Variants in SNX29 observed in about 807,000 individuals in gnomAD.
The protein encoded by SNX29 is sorting nexin 29.
Under a neutral mutation model 102.1 loss-of-function variants are expected in SNX29, and 78 were observed. That is an observed-to-expected ratio of 0.76 (90% confidence interval 0.64 to 0.92). SNX29 has a LOEUF of 0.92. Ranked by LOEUF, SNX29 falls within the 40% of genes least tolerant of loss-of-function variation. SNX29 has a pLI of 0.00. For synonymous variants in SNX29, 580 were observed against 414.5 expected (o/e 1.40, Z -4.85); for missense variants, 1,280 against 1,061.7 (o/e 1.21, Z -2.86).
At chr16:12,316,479 G>T (rs532304995) in intron 15 of SNX29, among the ~76,000 whole-genome samples, 7 of 152,170 alleles carry the variant, frequency 4.6e-5, no homozygotes, top group African/African-American at 1.7e-4. Flanking sequence ...GGAGGCGGAG[G>T]TTGCAGTGAG....
At chr16:12,177,686 A>G (rs2076291322) in intron 13 of SNX29, among the ~76,000 whole-genome samples, 1 of 152,182 alleles carries the variant, frequency 6.6e-6, no homozygotes. Flanking sequence ...GTGGTTTTTT[A>G]TATATTAACA....
chr16:12,425,274 T>A (rs1034956920), intron 18 of SNX29, among the ~76,000 whole-genome samples: 8 of 152,166 alleles, frequency 5.3e-5, no homozygotes, highest in African/African-American at 1.9e-4. Context: ...ACCCCGCACA[T>A]GCTAAGAAAC....
intron 20 of SNX29, among the ~76,000 whole-genome samples, chr16:12,548,384 C>G (rs752791712): frequency 6.6e-6 from 1 of 152,214 alleles, no homozygotes; most frequent in Non-Finnish European, 1.5e-5. Flanking sequence ...AGTCCCACAC[C>G]TTCTAAGGTC....
Position 12,052,189 on chromosome 16 carries a change from G to T in SNX29, c.1091G>T (p.Arg364Met), listed in dbSNP as rs763476209. Residue 364 changes from arginine (R) to methionine (M), a missense_variant, in exon 8 of 21, where the codon AGG becomes ATG. Arg to Met is a moderately conservative substitution (Grantham distance 91, BLOSUM62 -1). Transcript: ENST00000566228. ...EDDVYGNSSG[R>M]KHRGHSESPE... The stretch of plus-strand genomic sequence containing the variant: ...GACGTGTATGGAAACTCATCAGGAA[G>T]GAAGCACAGGGGCCACTCGGAGTCG... 1 of 1,613,946 alleles carries T rather than the reference G, an allele frequency of 6.2e-7. No individual in the cohort carries two copies. Among genetic ancestry groups the T allele is most frequent in the Non-Finnish European group, 8.5e-7 (1 of 1,179,864 alleles).
At chr16:12,121,217 A>G (rs1463212400) in intron 11 of SNX29, among the ~76,000 whole-genome samples, 1 of 152,214 alleles carries the variant, frequency 6.6e-6, no homozygotes, top group Non-Finnish European at 1.5e-5. Context: ...CCTCTAGCCC[A>G]GGGGACAGTG....
intron 18 of SNX29, among the ~76,000 whole-genome samples, chr16:12,477,407 A>G (rs1187348336): frequency 6.6e-6 from 1 of 152,220 alleles, no homozygotes; most frequent in African/African-American, 2.4e-5. Context: ...TTAGTGCTGC[A>G]ATACACACAT....
intron 15 of SNX29, among the ~76,000 whole-genome samples, chr16:12,297,738 T>G (rs981336196): frequency 6.6e-6 from 1 of 152,166 alleles, no homozygotes; most frequent in African/African-American, 2.4e-5. Context: ...TGCACCTCAG[T>G]AAAGCTGGGG....
intron 16 of SNX29, among the ~76,000 whole-genome samples, chr16:12,369,350 G>A (rs896429819): frequency 9.9e-5 from 15 of 152,020 alleles, no homozygotes; most frequent in African/African-American, 3.4e-4. Flanking sequence ...TGGCCAGGCT[G>A]GTCTTGAACT....
intron 19 of SNX29, among the ~76,000 whole-genome samples, chr16:12,523,567 A>G (rs1324941725): frequency 1.3e-5 from 2 of 152,200 alleles, no homozygotes; most frequent in African/African-American, 4.8e-5. Context: ...GCCCAGGCCA[A>G]CGTGACAGTG....
At chr16:12,563,747 C>T (rs1016768690) in intron 20 of SNX29, among the ~76,000 whole-genome samples, 4 of 152,240 alleles carry the variant, frequency 2.6e-5, no homozygotes, top group Admixed American at 6.5e-5. Flanking sequence ...CTTTACCCAA[C>T]AGCCACAACT....
intron 4 of SNX29, among the ~76,000 whole-genome samples, chr16:12,037,221 A>G (rs1338202666): frequency 6.6e-6 from 1 of 152,138 alleles, no homozygotes; most frequent in Admixed American, 6.6e-5. Context: ...TCAGCCACAG[A>G]CCATATGGGA....
chr16:12,514,970 G>A (rs1171724781), intron 19 of SNX29, among the ~76,000 whole-genome samples: 1 of 152,136 alleles, frequency 6.6e-6, no homozygotes, highest in East Asian at 1.9e-4. Context: ...CCCCTCTCTC[G>A]ATGGGCTGCT....
At chr16:12,333,300 T>C (rs1007148918) in intron 15 of SNX29, among the ~76,000 whole-genome samples, 1 of 151,832 alleles carries the variant, frequency 6.6e-6, no homozygotes, top group Non-Finnish European at 1.5e-5. Context: ...AGAGATGGGA[T>C]TTCACCATAT....
chr16:12,353,934 G>C (rs2082061504), intron 15 of SNX29, among the ~76,000 whole-genome samples: 1 of 152,312 alleles, frequency 6.6e-6, no homozygotes, highest in Middle Eastern at 3.4e-3. Flanking sequence ...TTCTCTCTCT[G>C]TCCTATTTTC....
intron 16 of SNX29, among the ~76,000 whole-genome samples, chr16:12,358,517 T>C (rs1385216336): frequency 6.6e-6 from 1 of 152,198 alleles, no homozygotes; most frequent in Non-Finnish European, 1.5e-5. Flanking sequence ...TCTGACCTTC[T>C]CCTGCTCTCT....
At chr16:12,221,752 A>G (rs1256783326) in intron 14 of SNX29, among the ~76,000 whole-genome samples, 4 of 152,190 alleles carry the variant, frequency 2.6e-5, no homozygotes, top group Non-Finnish European at 5.9e-5. Flanking sequence ...TTGCTGGAAA[A>G]TTGTGGCGCC....
At chr16:12,287,045 C>G (rs1279463459) in intron 15 of SNX29, among the ~76,000 whole-genome samples, 1 of 152,182 alleles carries the variant, frequency 6.6e-6, no homozygotes, top group Non-Finnish European at 1.5e-5. Context: ...CTCACTCTTT[C>G]TCCTTCCCAG....
chr16:12,193,371 A>G (rs1180972087), intron 13 of SNX29, among the ~76,000 whole-genome samples: 1 of 151,482 alleles, frequency 6.6e-6, no homozygotes, highest in Non-Finnish European at 1.5e-5. Flanking sequence ...TTGGGATCTG[A>G]GGCAGGAGAA....
chr16:12,322,251 C>T (rs530209367), intron 15 of SNX29, among the ~76,000 whole-genome samples: 1 of 152,284 alleles, frequency 6.6e-6, no homozygotes, highest in South Asian at 2.1e-4. Context: ...TAACCTACAT[C>T]CTGTGTTCCA....
Sources: gnomAD v4.1 joint callset for allele counts (sites outside exome capture counted in the v4.1 genomes callset) on GRCh38, gnomAD v4.1.1 for gene constraint, MANE v1.5 for transcripts, NCBI Gene and HGNC (gene_info 2026-07-23, HGNC 2026-07-21) for gene names.